NDFIP2: variants seen among roughly 807,000 people sequenced by gnomAD.
NDFIP2 encodes NEDD4 family-interacting protein 2.
In NDFIP2, 19 loss-of-function variants were observed where a neutral mutation model predicts 36.0. That is an observed-to-expected ratio of 0.53 (90% CI 0.37 to 0.77). The LOEUF (loss-of-function observed/expected upper bound fraction) is 0.77, where lower values mean the gene tolerates loss of function less well. Ranked by LOEUF, NDFIP2 falls within the 30% of genes least tolerant of loss-of-function variation. The pLI, the probability that NDFIP2 is intolerant of heterozygous loss-of-function variation, is 0.00. For synonymous variants in NDFIP2, 181 were observed against 167.7 expected (o/e 1.08, Z -0.61); for missense variants, 446 against 435.8 (o/e 1.02, Z -0.21).
intron 3 of NDFIP2, among the ~76,000 whole-genome samples, chr13:79,534,808 A>T (rs1875168585): frequency 1.3e-5 from 2 of 152,184 alleles, no homozygotes; most frequent in Non-Finnish European, 2.9e-5. Flanking sequence ...CAGCAAGCAG[A>T]TCCTCTGAGA....
intron 5 of NDFIP2, among the ~76,000 whole-genome samples, chr13:79,546,464 CATA>C (rs899520350): frequency 6.6e-6 from 1 of 152,082 alleles, no homozygotes; most frequent in Admixed American, 6.5e-5. Context: ...CAGATGAATT[CATA>C]ATGTTCATTA....
intron 1 of NDFIP2, among the ~76,000 whole-genome samples, chr13:79,515,178 T>C (rs1396859011): frequency 1.4e-5 from 2 of 144,230 alleles, no homozygotes; most frequent in African/African-American, 5.6e-5. Context: ...GGTGAGTATT[T>C]GTATATATAA....
intron 1 of NDFIP2, among the ~76,000 whole-genome samples, chr13:79,499,062 A>G (rs1216558103): frequency 2.0e-5 from 3 of 151,994 alleles, no homozygotes; most frequent in African/African-American, 7.2e-5. Flanking sequence ...CCATGACCAA[A>G]TGGGATTTAT....
At chr13:79,524,547 A>G (rs1874716137) in intron 2 of NDFIP2, among the ~76,000 whole-genome samples, 1 of 152,232 alleles carries the variant, frequency 6.6e-6, no homozygotes, top group African/African-American at 2.4e-5. Flanking sequence ...CAATGAGGTT[A>G]TATTTGCAGG....
intron 1 of NDFIP2, among the ~76,000 whole-genome samples, chr13:79,482,896 T>C (rs929144014): frequency 1.3e-5 from 2 of 152,182 alleles, no homozygotes; most frequent in Non-Finnish European, 2.9e-5. Flanking sequence ...TGTACACCCT[T>C]TTGATGGTTT....
intron 1 of NDFIP2, among the ~76,000 whole-genome samples, chr13:79,493,651 C>T (rs1873327448): frequency 6.6e-6 from 1 of 152,122 alleles, no homozygotes; most frequent in Non-Finnish European, 1.5e-5. Context: ...GATTTTATTA[C>T]CGTAAACGTA....
Position 79,533,375 on chromosome 13 carries a change from T to C in NDFIP2, c.540T>C (p.Ala180=). 1 of 1,612,282 alleles carries C rather than the reference T, an allele frequency of 6.2e-7. No individual in the cohort carries two copies. Among genetic ancestry groups the C allele is most frequent in the Non-Finnish European group, 8.5e-7 (1 of 1,178,878 alleles). The change falls in exon 3 of 8, where the codon GCT becomes GCC. Residue 180 remains alanine, a synonymous_variant. Transcript: ENST00000218652. ...CCGTGCCACCTCCCTATAGCGTTGC[T>C]ACCTCTCTTCCTACATACGATGAAG... ...FYPVPPPYSV[A]TSLPTYDEAE...
intron 1 of NDFIP2, among the ~76,000 whole-genome samples, chr13:79,511,402 T>A (rs1406752759): frequency 1.3e-5 from 2 of 152,236 alleles, no homozygotes; most frequent in Non-Finnish European, 2.9e-5. Context: ...TACATTCTTC[T>A]TTGGGATATA....
chr13:79,510,888 A>T (rs553385385), intron 1 of NDFIP2, among the ~76,000 whole-genome samples: 8 of 151,146 alleles, frequency 5.3e-5, no homozygotes, highest in Non-Finnish European at 7.4e-5. Context: ...AATCTCAGCT[A>T]CTTGGGAGGC....
In NDFIP2 at chr13:79,536,454, A is replaced by G. The variant is rs115827868; in HGVS notation, c.621+2998A>G. Among the ~76,000 whole-genome samples the G allele has an allele frequency of 8.7e-3, 1,331 of 152,314 alleles. 17 individuals are homozygous for G. Among genetic ancestry groups the G allele is most frequent in the African/African-American group, 0.03 (1,257 of 41,570 alleles). ...TGTTAGCCAATGTGGGAAAATAGAA[A>G]GAGGAAAACACCACAGGTGTTCTGT... On this transcript the variant is annotated intron_variant, in intron 3 of 7. Coordinates refer to ENST00000218652, the MANE Select transcript of NDFIP2 (RefSeq NM_019080.3).
At chr13:79,547,818 C>A (rs185167416) in intron 5 of NDFIP2, among the ~76,000 whole-genome samples, 1 of 152,166 alleles carries the variant, frequency 6.6e-6, no homozygotes, top group Admixed American at 6.5e-5. Flanking sequence ...GGTCTTTATG[C>A]ACCTAGTATT....
At chr13:79,492,938 T>A (rs2140735578) in intron 1 of NDFIP2, among the ~76,000 whole-genome samples, 1 of 152,352 alleles carries the variant, frequency 6.6e-6, no homozygotes, top group African/African-American at 2.4e-5. Flanking sequence ...TTCAGATCTA[T>A]ATTTAGATGT....
chr13:79,533,867 A>G (rs930694787), intron 3 of NDFIP2, among the ~76,000 whole-genome samples: 3 of 152,204 alleles, frequency 2.0e-5, no homozygotes, highest in African/African-American at 4.8e-5. Flanking sequence ...TACCGCATGC[A>G]GGTGGGTCGG....
chr13:79,521,385 T>C (rs1874575825), intron 2 of NDFIP2, among the ~76,000 whole-genome samples: 1 of 152,206 alleles, frequency 6.6e-6, no homozygotes, highest in African/African-American at 2.4e-5. Context: ...TCCTAAGCAA[T>C]GATTAATTAT....
At chr13:79,527,339 A>G (rs1874841611) in intron 2 of NDFIP2, among the ~76,000 whole-genome samples, 1 of 152,242 alleles carries the variant, frequency 6.6e-6, no homozygotes, top group South Asian at 2.1e-4. Context: ...AAAATGACAT[A>G]TATGATGTGA....
chr13:79,518,840 A>G (rs1389152189), intron 1 of NDFIP2, among the ~76,000 whole-genome samples: 1 of 152,032 alleles, frequency 6.6e-6, no homozygotes, highest in African/African-American at 2.4e-5. Context: ...ACACTGTCTT[A>G]CCCTGTCATC....
chr13:79,521,245 G>A (rs534557380), intron 2 of NDFIP2, among the ~76,000 whole-genome samples: 17 of 152,182 alleles, frequency 1.1e-4, no homozygotes, highest in Admixed American at 3.9e-4. Context: ...TGTAGGTGAA[G>A]GGTGTACGTA....
chr13:79,498,199 C>T (rs371230533), intron 1 of NDFIP2, among the ~76,000 whole-genome samples: 5 of 151,802 alleles, frequency 3.3e-5, no homozygotes, highest in Admixed American at 6.6e-5. Flanking sequence ...AGGTGTGAAT[C>T]TTTTTGTCTT....
chr13:79,481,900 G>A (rs529738433), intron 1 of NDFIP2, among the ~76,000 whole-genome samples: 4 of 152,116 alleles, frequency 2.6e-5, no homozygotes, highest in Non-Finnish European at 5.9e-5. Context: ...TGGAAATGGG[G>A]CTGACTTCAC....
Sources: gnomAD v4.1 joint callset for allele counts (sites outside exome capture counted in the v4.1 genomes callset) on GRCh38, gnomAD v4.1.1 for gene constraint, MANE v1.5 for transcripts, NCBI Gene and HGNC (gene_info 2026-07-23, HGNC 2026-07-21) for gene names.